EAF1: variants seen among roughly 807,000 people sequenced by gnomAD.
EAF1 encodes the protein ELL associated factor 1.
A neutral mutation model predicts 26.6 loss-of-function variants in EAF1; 19 were observed. The observed-to-expected ratio is 0.71, with a 90% CI of 0.50 to 1.05. The LOEUF is 1.05. Ranked by LOEUF, EAF1 falls within the 50% of genes least tolerant of loss-of-function variation. The probability of loss-of-function intolerance (pLI) is 0.00; values close to 1 mark genes in which losing one functional copy is unlikely to be tolerated. For missense variants in EAF1, 260 were observed against 335.5 expected (o/e 0.78, Z 1.76); for synonymous variants, 102 against 120.6 (o/e 0.85, Z 1.01).
At chr3:15,432,315 A>G in intron 3 of EAF1, 92 bp downstream of exon 3, 1 of 1,492,640 alleles carries the variant, frequency 6.7e-7, no homozygotes, top group East Asian at 2.3e-5. Flanking sequence ...CTGCTTGCTC[A>G]TAGTGTTCTA....
Position 15,427,736 on chromosome 3 carries a change from G to T in EAF1, c.-44G>T. ...AGCGCCAGAAGCTCGGATCGCGGCT[G>T]CACCGGGAGAGCGCCGATCTGGGTG... is the stretch of plus-strand genomic sequence containing the variant. On this transcript the variant is annotated 5_prime_UTR_variant, in exon 1 of 6. Transcript: ENST00000396842. 1 of 1,534,204 alleles carries T rather than the reference G, an allele frequency of 6.5e-7. No homozygotes were observed.
chr3:15,433,336 TA>T (rs781295442), intron 3 of EAF1: 2 of 153,178 alleles, frequency 1.3e-5, no homozygotes, highest in Non-Finnish European at 2.9e-5. Flanking sequence ...CCTGCCACTC[TA>T]TTTATTTGTA....
intron 5 of EAF1, among the ~76,000 whole-genome samples, chr3:15,438,086 CT>C (rs943963101): frequency 6.6e-6 from 1 of 152,216 alleles, no homozygotes; most frequent in Non-Finnish European, 1.5e-5. Flanking sequence ...TCAGACCCCC[CT>C]GAAAGGGTTT....
intron 2 of EAF1, 126 bp from the exon 3 acceptor site, chr3:15,431,961 A>G: frequency 9.2e-7 from 1 of 1,085,500 alleles, no homozygotes; most frequent in Non-Finnish European, 1.3e-6. Context: ...AATAGAAATC[A>G]GTTCAACCTG....
intron 4 of EAF1, 83 bp from the exon 5 acceptor site, chr3:15,436,259 G>A (rs2061833970): frequency 4.0e-6 from 4 of 1,007,412 alleles, no homozygotes; most frequent in Non-Finnish European, 5.6e-6. Context: ...TGTTGGTTTT[G>A]CTGATTTACT....
In EAF1 at chr3:15,439,585, C is replaced by A. The variant is rs2125069269; in HGVS notation, c.*430C>A. The A allele has an allele frequency of 6.4e-6, 1 of 156,656 alleles. No individual in the cohort carries two copies. The highest frequency in any genetic ancestry group is 2.4e-5 in the African/African-American group (1 of 41,732). 9.7% of individuals were successfully genotyped at this position (156,656 alleles called of 1,614,324 possible). A position where few individuals can be genotyped will look rare whatever the true frequency, so the allele number is the denominator to read the frequency against. On this transcript the variant is annotated 3_prime_UTR_variant, in exon 6 of 6. Coordinates refer to ENST00000396842, the MANE Select transcript of EAF1 (RefSeq NM_033083.7). ...TGGGTAGGAGAGAGAGGGAAAACCTCAAACTACATCATAGAAGTATGTTAA... is the reference window on the plus strand; with the variant it reads ...TGGGTAGGAGAGAGAGGGAAAACCTAAAACTACATCATAGAAGTATGTTAA...
chr3:15,433,251 A>G, intron 3 of EAF1: 1 of 152,888 alleles, frequency 6.5e-6, no homozygotes, highest in East Asian at 1.9e-4. Context: ...AAAAAAAAAA[A>G]AAAAAGGTAC....
chr3:15,437,439 C>T (rs941959910), intron 5 of EAF1, among the ~76,000 whole-genome samples: 1 of 151,798 alleles, frequency 6.6e-6, no homozygotes, highest in Non-Finnish European at 1.5e-5. Flanking sequence ...AGGCATGAGC[C>T]ACCATACCCA....
At chr3:15,434,272 G>C (rs1210718848) in intron 3 of EAF1, 76 bp from the exon 4 acceptor site, 2 of 1,541,528 alleles carry the variant, frequency 1.3e-6, no homozygotes, top group Non-Finnish European at 1.8e-6. Flanking sequence ...AGAGACTTCT[G>C]AGTTTTCAGT....
At position 15,439,855 on chromosome 3, in the gene EAF1, AT is replaced by A. The variant is rs2061855821; in HGVS notation, c.*703del. On this transcript the variant is annotated 3_prime_UTR_variant, in exon 6 of 6. Transcript: ENST00000396842. ...CTCACTGTTCTCTCCCTTGAATCTC[AT>A]TTGTAGGAATCAAGAGATTCCTATA... The A allele has an allele frequency of 6.6e-6, 1 of 152,174 alleles. No homozygotes were observed. The highest frequency in any genetic ancestry group is 1.5e-5 in the Non-Finnish European group (1 of 68,040). 9.4% of individuals were successfully genotyped at this position (152,174 alleles called of 1,614,324 possible). A position where few individuals can be genotyped will look rare whatever the true frequency, so the allele number is the denominator to read the frequency against.
rs2061821306 is a variant in EAF1, at chr3:15,434,337, T to A, written c.336-11T>A. On this transcript the variant is annotated splice_polypyrimidine_tract_variant and intron_variant, in intron 3 of 5. Coordinates refer to ENST00000396842, the MANE Select transcript of EAF1 (RefSeq NM_033083.7). ...TTGCCCTGCTAATTTAATGTCTGTATCTCCTTTCAGAGCTGAGGGCAGCAG... is the reference window on the plus strand; with the variant it reads ...TTGCCCTGCTAATTTAATGTCTGTAACTCCTTTCAGAGCTGAGGGCAGCAG... 1.2e-6 allele frequency: 2 copies of A among 1,612,620 alleles called. No homozygotes were observed. The highest frequency in any genetic ancestry group is 1.7e-6 in the Non-Finnish European group (2 of 1,178,788).
chr3:15,429,168 A>G (rs910625630), intron 1 of EAF1, among the ~76,000 whole-genome samples: 1 of 152,222 alleles, frequency 6.6e-6, no homozygotes, highest in Non-Finnish European at 1.5e-5. Flanking sequence ...GATACAGTTC[A>G]GTTGTCTGCT....
Position 15,436,558 on chromosome 3 carries a change from A to C in EAF1, c.743A>C (p.Gln248Pro). 1 of 1,589,026 alleles carries C rather than the reference A, an allele frequency of 6.3e-7. No individual in the cohort carries two copies. Among genetic ancestry groups the C allele is most frequent in the Non-Finnish European group, 8.6e-7 (1 of 1,159,100 alleles). Residue 248 changes from glutamine (Q) to proline (P), a missense_variant, in exon 5 of 6, where the codon CAG becomes CCG. By Grantham distance (76) the Gln-to-Pro change is moderately conservative. Coordinates refer to ENST00000396842, the MANE Select transcript of EAF1 (RefSeq NM_033083.7). ...ACCAGCCGGCCACAAGGAAGCAACC[A>C]GCTCATGAACACCCTCAGTAAGTGT... ...NGTSRPQGSNQLMNTLRNDLQ... is the reference protein window; with the variant it reads ...NGTSRPQGSNPLMNTLRNDLQ...
intron 1 of EAF1, among the ~76,000 whole-genome samples, chr3:15,429,616 C>T (rs1162458048): frequency 2.6e-5 from 4 of 152,002 alleles, no homozygotes; most frequent in African/African-American, 9.7e-5. Flanking sequence ...TCTTTTTTCC[C>T]TCTAGAATAA....
At chr3:15,428,559 CAG>C (rs1466756437) in intron 1 of EAF1, among the ~76,000 whole-genome samples, 2 of 152,178 alleles carry the variant, frequency 1.3e-5, no homozygotes, top group Admixed American at 6.5e-5. Context: ...AGAGTCAAAT[CAG>C]AGTTCGTGAG....
In EAF1 at chr3:15,432,077, T is replaced by C. The variant is rs1287828576; in HGVS notation, c.199-10T>C. The C allele has an allele frequency of 6.2e-7, 1 of 1,612,266 alleles. No individual in the cohort carries two copies. The highest frequency in any genetic ancestry group is 2.2e-5 in the East Asian group (1 of 44,818). ...TTAGTTTGATCATCTTATACTTTTG[T>C]GGCAAATAGGGATCCACACCACCCA... On this transcript the variant is annotated splice_polypyrimidine_tract_variant and intron_variant, in intron 2 of 5. Transcript: ENST00000396842.
In EAF1 at chr3:15,439,182, T is replaced by C. The variant is rs1243133979; in HGVS notation, c.*27T>C. 1.2e-6 allele frequency: 2 copies of C among 1,611,240 alleles called. No homozygotes were observed. Among genetic ancestry groups the C allele is most frequent in the Admixed American group, 1.7e-5 (1 of 59,774 alleles). On this transcript the variant is annotated 3_prime_UTR_variant, in exon 6 of 6. Coordinates refer to ENST00000396842, the MANE Select transcript of EAF1 (RefSeq NM_033083.7). ...GCTGGATCTTTCGAAACCTACTTTT[T>C]GGTGCACAAACATGCCGCAAGACTG... is the stretch of plus-strand genomic sequence containing the variant.
chr3:15,441,412 G>T lies in EAF1; in HGVS notation c.*2257G>T, dbSNP rs946106081. On this transcript the variant is annotated 3_prime_UTR_variant, in exon 6 of 6. Coordinates refer to ENST00000396842, the MANE Select transcript of EAF1 (RefSeq NM_033083.7). ...TCTCCCTCCATACCCCACTTTTGAG[G>T]TTCTGTGGGTACCATCTTTGTGGAC... 2 of 151,170 alleles carry T rather than the reference G, an allele frequency of 1.3e-5. No homozygotes were observed. Among genetic ancestry groups the T allele is most frequent in the African/African-American group, 4.9e-5 (2 of 40,426 alleles). 9.4% of individuals were successfully genotyped at this position (151,170 alleles called of 1,614,324 possible). A position where few individuals can be genotyped will look rare whatever the true frequency, so the allele number is the denominator to read the frequency against.
At chr3:15,432,950 A>ATT (rs528077375) in intron 3 of EAF1, among the ~76,000 whole-genome samples, 208 of 150,424 alleles carry the variant, frequency 1.4e-3, no homozygotes, top group Admixed American at 2.7e-3. Context: ...TCGTTAAGCC[A>ATT]TTTTTTTTTC....
Sources: gnomAD v4.1 joint callset for allele counts (sites outside exome capture counted in the v4.1 genomes callset) on GRCh38, gnomAD v4.1.1 for gene constraint, MANE v1.5 for transcripts, NCBI Gene and HGNC (gene_info 2026-07-23, HGNC 2026-07-21) for gene names.